CORO2B: variants seen among roughly 807,000 people sequenced by gnomAD.
CORO2B encodes coronin 2B.
In CORO2B, 26 loss-of-function variants were observed where a neutral mutation model predicts 58.8. The ratio of observed to expected loss-of-function variants is 0.44; its 90% CI spans 0.32 to 0.61. CORO2B has a LOEUF of 0.61. Among genes scored for constraint, CORO2B ranks in the 20% least tolerant of loss-of-function variants. The pLI is 0.04. For missense variants in CORO2B, 460 were observed against 645.1 expected, an observed-to-expected ratio of 0.71 and a Z score of 3.11; for synonymous variants, 242 against 253.8, an observed-to-expected ratio of 0.95 and a Z score of 0.44.
At chr15:68,583,442 C>G (rs1224038463) in intron 1 of CORO2B, among the ~76,000 whole-genome samples, 11 of 152,204 alleles carry the variant, frequency 7.2e-5, no homozygotes, top group African/African-American at 2.4e-4. Context: ...CCCGGCTGCC[C>G]TGGCAAGGGG....
chr15:68,563,439 A>G, the CORO2B span, among the ~76,000 whole-genome samples: 1 of 151,724 alleles, frequency 6.6e-6, no homozygotes, highest in Non-Finnish European at 1.5e-5. Flanking sequence ...GTGAGCCTTG[A>G]TCGTGCCACT....
At chr15:68,600,616 C>A (rs1899956303) in intron 1 of CORO2B, among the ~76,000 whole-genome samples, 1 of 152,342 alleles carries the variant, frequency 6.6e-6, no homozygotes, top group African/African-American at 2.4e-5. Context: ...TTGGGGCCTT[C>A]AGATACCCTT....
chr15:68,604,338 G>A (rs1241845932), intron 1 of CORO2B, among the ~76,000 whole-genome samples: 2 of 151,900 alleles, frequency 1.3e-5, no homozygotes, highest in African/African-American at 2.4e-5. Context: ...CCCCCAAACC[G>A]CCTTTCCTAC....
At chr15:68,725,795 C>T (rs924488368) in intron 11 of CORO2B, 48 bp from the exon 12 acceptor site, 1 of 1,606,536 alleles carries the variant, frequency 6.2e-7, no homozygotes, top group East Asian at 2.2e-5. Flanking sequence ...CTTGTCTCAC[C>T]TGCTCTCTCC....
chr15:68,712,251 A>G (rs67844713), intron 5 of CORO2B, among the ~76,000 whole-genome samples: 26,223 of 152,124 alleles, frequency 0.17, 2,810 homozygotes, highest in Non-Finnish European at 0.24. Context: ...GAGAGATGGA[A>G]TGGAAAATAT....
the CORO2B span, among the ~76,000 whole-genome samples, chr15:68,540,327 C>A: frequency 6.6e-6 from 1 of 152,204 alleles, no homozygotes; most frequent in East Asian, 1.9e-4. Context: ...AGCTGTCAAT[C>A]CCACAGTAGC....
intron 5 of CORO2B, among the ~76,000 whole-genome samples, 200 bp downstream of exon 5, chr15:68,711,906 C>T (rs1364181417): frequency 6.6e-6 from 1 of 152,174 alleles, no homozygotes; most frequent in Non-Finnish European, 1.5e-5. Context: ...GGAGGGACCT[C>T]ATACCCTTTC....
At chr15:68,609,279 T>C (rs1169273319) in intron 1 of CORO2B, among the ~76,000 whole-genome samples, 1 of 152,204 alleles carries the variant, frequency 6.6e-6, no homozygotes, top group Admixed American at 6.5e-5. Flanking sequence ...AGAGAATTTG[T>C]CCTGCCCCAT....
the CORO2B span, among the ~76,000 whole-genome samples, chr15:68,544,805 C>A: frequency 1.4e-5 from 2 of 147,930 alleles, no homozygotes; most frequent in African/African-American, 5.1e-5. Flanking sequence ...GAGATGGACT[C>A]TCGCTCTGTC....
intron 1 of CORO2B, among the ~76,000 whole-genome samples, chr15:68,586,465 G>T (rs1318415786): frequency 6.6e-6 from 1 of 152,138 alleles, no homozygotes; most frequent in African/African-American, 2.4e-5. Flanking sequence ...GGATGAATGG[G>T]CAAACGTCAG....
Position 68,703,488 on chromosome 15 carries a change from G to A in CORO2B, c.334-7244G>A, listed in dbSNP as rs865899249. ...CTTATACTGTCCTGTTCTTCCCCAC[G>A]CTACCCCAAAACAGATTTGTTTGTT... On this transcript the variant is annotated intron_variant, in intron 3 of 11. Coordinates refer to ENST00000261861, the MANE Select transcript of CORO2B (RefSeq NM_006091.5). Among the ~76,000 whole-genome samples the A allele has an allele frequency of 3.9e-5, 6 of 151,972 alleles. No homozygotes were observed. The South Asian group carries it at 6.2e-4, about 16-fold the overall frequency.
chr15:68,695,846 G>A (rs1055753944), intron 3 of CORO2B, among the ~76,000 whole-genome samples: 4 of 152,210 alleles, frequency 2.6e-5, no homozygotes, highest in African/African-American at 4.8e-5. Flanking sequence ...AGAGAGATCA[G>A]GGAGGAGACA....
chr15:68,680,059 G>A (rs1009996830), intron 2 of CORO2B, among the ~76,000 whole-genome samples: 5 of 151,754 alleles, frequency 3.3e-5, no homozygotes, highest in East Asian at 1.9e-4. Flanking sequence ...CTGGGCCCCC[G>A]CAGAGTGTGC....
At chr15:68,633,518 C>T (rs1298029664) in intron 1 of CORO2B, among the ~76,000 whole-genome samples, 1 of 144,912 alleles carries the variant, frequency 6.9e-6, no homozygotes, top group Non-Finnish European at 1.5e-5. Context: ...CCAACATACA[C>T]ACACACACAC....
At chr15:68,611,053 C>T (rs1386070240) in intron 1 of CORO2B, among the ~76,000 whole-genome samples, 2 of 152,162 alleles carry the variant, frequency 1.3e-5, no homozygotes, top group African/African-American at 2.4e-5. Flanking sequence ...TAAGCTAATC[C>T]AACCTCAGTT....
the CORO2B span, among the ~76,000 whole-genome samples, chr15:68,550,991 A>G: frequency 6.6e-6 from 1 of 151,954 alleles, no homozygotes; most frequent in South Asian, 2.1e-4. Context: ...TGGGCGTGGG[A>G]TCCTCAGAGA....
intron 2 of CORO2B, among the ~76,000 whole-genome samples, chr15:68,689,143 T>C (rs903215580): frequency 1.3e-5 from 2 of 152,192 alleles, no homozygotes; most frequent in Non-Finnish European, 1.5e-5. Context: ...GGACTTGTTC[T>C]GTGAGCCCTC....
intron 2 of CORO2B, among the ~76,000 whole-genome samples, chr15:68,690,286 C>A (rs1272304420): frequency 6.6e-6 from 1 of 152,214 alleles, no homozygotes; most frequent in African/African-American, 2.4e-5. Context: ...CAGCCCACCA[C>A]TGCCTAGAGC....
intron 3 of CORO2B, among the ~76,000 whole-genome samples, chr15:68,706,469 C>G (rs567011160): frequency 4.6e-5 from 7 of 152,342 alleles, no homozygotes; most frequent in African/African-American, 1.7e-4. Flanking sequence ...ATAGGAGGCC[C>G]TCGGGAGGTG....
Sources: gnomAD v4.1 joint callset for allele counts (sites outside exome capture counted in the v4.1 genomes callset) on GRCh38, gnomAD v4.1.1 for gene constraint, MANE v1.5 for transcripts, NCBI Gene and HGNC (gene_info 2026-07-23, HGNC 2026-07-21) for gene names.